Variants in ADGRB3 observed in about 807,000 individuals in gnomAD.
ADGRB3 encodes the protein adhesion G protein-coupled receptor B3.
A neutral mutation model predicts 193.4 loss-of-function variants in ADGRB3; 37 were observed. That is an observed-to-expected ratio of 0.19 (90% CI 0.15 to 0.25). ADGRB3 has a LOEUF of 0.25. Ranked by LOEUF, ADGRB3 falls within the 10% of genes least tolerant of loss-of-function variation. ADGRB3 has a pLI of 1.00. For missense variants in ADGRB3, 1,637 were observed against 1,852.9 expected (o/e 0.88, Z 2.14); for synonymous variants, 690 against 644.2 (o/e 1.07, Z -1.08).
chr6:69,233,485 G>A, intron 18 of ADGRB3, 69 bp downstream of exon 18: 1 of 1,582,792 alleles, frequency 6.3e-7, no homozygotes, highest in Non-Finnish European at 8.6e-7. Context: ...TTTCTCCAGG[G>A]AACTGCATTT....
intron 13 of ADGRB3, among the ~76,000 whole-genome samples, chr6:69,031,069 C>T: frequency 2.0e-5 from 1 of 49,490 alleles, no homozygotes; most frequent in Non-Finnish European, 5.5e-5. Flanking sequence ...CTCTTCTCTT[C>T]TCTTCTCTTC....
chr6:68,776,724 A>G (rs1223032229), intron 3 of ADGRB3, among the ~76,000 whole-genome samples: 1 of 152,162 alleles, frequency 6.6e-6, no homozygotes, highest in Non-Finnish European at 1.5e-5. Context: ...AAAGTAAACA[A>G]ATCTAAGAAA....
intron 3 of ADGRB3, among the ~76,000 whole-genome samples, chr6:68,747,222 G>T (rs1229989874): frequency 2.0e-5 from 3 of 152,092 alleles, no homozygotes; most frequent in Non-Finnish European, 4.4e-5. Flanking sequence ...TTTCTTTCAG[G>T]CTATTAGCCT....
chr6:69,288,098 G>A (rs1358880290), intron 20 of ADGRB3, among the ~76,000 whole-genome samples: 1 of 151,932 alleles, frequency 6.6e-6, no homozygotes, highest in African/African-American at 2.4e-5. Context: ...TGCAGAACGT[G>A]CAGGTTTGTT....
chr6:68,701,650 C>A (rs1357647875), intron 3 of ADGRB3, among the ~76,000 whole-genome samples: 1 of 152,130 alleles, frequency 6.6e-6, no homozygotes, highest in Non-Finnish European at 1.5e-5. Context: ...TTTATTAAAT[C>A]TCATTTTTTG....
intron 3 of ADGRB3, among the ~76,000 whole-genome samples, chr6:68,860,815 A>G (rs79437930): frequency 0.03 from 4,635 of 152,262 alleles, 240 homozygotes; most frequent in African/African-American, 0.1. Context: ...AGAAATCTCT[A>G]TACTGTTTTC....
At chr6:68,764,917 T>G (rs1766480817) in intron 3 of ADGRB3, among the ~76,000 whole-genome samples, 1 of 152,186 alleles carries the variant, frequency 6.6e-6, no homozygotes, top group Non-Finnish European at 1.5e-5. Flanking sequence ...TTTGGTAAAG[T>G]TTATTTTGGA....
chr6:69,171,274 T>A (rs1198084190), intron 17 of ADGRB3, among the ~76,000 whole-genome samples: 4 of 152,208 alleles, frequency 2.6e-5, no homozygotes, highest in Non-Finnish European at 5.9e-5. Context: ...AGTTGTTGAA[T>A]TTGTATGGAT....
intron 17 of ADGRB3, among the ~76,000 whole-genome samples, chr6:69,155,167 A>C (rs1445799960): frequency 6.6e-6 from 1 of 152,238 alleles, no homozygotes; most frequent in Non-Finnish European, 1.5e-5. Context: ...AAATTGCCTC[A>C]TATGGAGAGA....
chr6:68,760,432 T>C (rs1189503458), intron 3 of ADGRB3, among the ~76,000 whole-genome samples: 7 of 152,200 alleles, frequency 4.6e-5, no homozygotes, highest in African/African-American at 1.4e-4. Context: ...TTTTCCACGT[T>C]AAGCCTTATG....
intron 17 of ADGRB3, among the ~76,000 whole-genome samples, chr6:69,160,349 T>G (rs1191946247): frequency 6.6e-6 from 1 of 152,006 alleles, no homozygotes; most frequent in Non-Finnish European, 1.5e-5. Flanking sequence ...CTTCACTCAC[T>G]CAACTCAAGC....
At chr6:69,163,521 G>A (rs1487975938) in intron 17 of ADGRB3, among the ~76,000 whole-genome samples, 4 of 152,058 alleles carry the variant, frequency 2.6e-5, no homozygotes, top group Admixed American at 2.6e-4. Flanking sequence ...TTAAGGCGGA[G>A]AAAAGCTATA....
chr6:68,905,580 G>A (rs1349823120), intron 3 of ADGRB3, among the ~76,000 whole-genome samples: 1 of 152,084 alleles, frequency 6.6e-6, no homozygotes, highest in Non-Finnish European at 1.5e-5. Flanking sequence ...GGTTGGTCAA[G>A]CAGTCAATTA....
At chr6:69,149,140 C>G (rs1774590845) in intron 17 of ADGRB3, among the ~76,000 whole-genome samples, 1 of 152,140 alleles carries the variant, frequency 6.6e-6, no homozygotes, top group South Asian at 2.1e-4. Context: ...CACCATCTCT[C>G]TACTTCCCCT....
chr6:68,649,399 T>A (rs1335323102), intron 3 of ADGRB3, among the ~76,000 whole-genome samples: 4 of 152,136 alleles, frequency 2.6e-5, no homozygotes, highest in African/African-American at 9.7e-5. Flanking sequence ...ATTTGATAAA[T>A]CTAATCATTA....
chr6:69,227,290 A>G (rs1408940159), intron 17 of ADGRB3, among the ~76,000 whole-genome samples: 2 of 152,212 alleles, frequency 1.3e-5, no homozygotes, highest in Admixed American at 6.5e-5. Context: ...TGGGAAGCCA[A>G]TGAGAGACCA....
rs930121297 is a variant in ADGRB3 at position 69,164,283 on chromosome 6, A to G, written c.2481-69007A>G. Among the ~76,000 whole-genome samples, 5 of 152,014 alleles carry G rather than the reference A, an allele frequency of 3.3e-5. No homozygotes were observed. In the East Asian group the frequency reaches 9.7e-4, roughly 29 times the overall value. ...AGTGCTGGCACATGGCAGGCACTGA[A>G]TATATTTGCTGAATGAAGGGAGACA... is the stretch of plus-strand genomic sequence containing the variant. On this transcript the variant is annotated intron_variant, in intron 17 of 31. Transcript: ENST00000370598.
chr6:69,284,646 A>G (rs934563139), intron 20 of ADGRB3, among the ~76,000 whole-genome samples: 2 of 151,414 alleles, frequency 1.3e-5, no homozygotes, highest in Non-Finnish European at 2.9e-5. Flanking sequence ...GTTTCCCTTG[A>G]CATTATGTAT....
chr6:69,044,157 C>A (rs979400709), intron 13 of ADGRB3, among the ~76,000 whole-genome samples: 3 of 152,198 alleles, frequency 2.0e-5, no homozygotes, highest in African/African-American at 7.2e-5. Flanking sequence ...GGATCCAGAT[C>A]ATAAGTCTGT....
Sources: gnomAD v4.1 joint callset for allele counts (sites outside exome capture counted in the v4.1 genomes callset) on GRCh38, gnomAD v4.1.1 for gene constraint, MANE v1.5 for transcripts, NCBI Gene and HGNC (gene_info 2026-07-23, HGNC 2026-07-21) for gene names.